Variants in RFX5 observed in about 807,000 individuals in gnomAD.
RFX5 encodes the protein regulatory factor X5.
In RFX5, 30 loss-of-function variants were observed where a neutral mutation model predicts 41.2. That is an observed-to-expected ratio of 0.73 (90% confidence interval 0.54 to 0.99). The LOEUF is 0.99. Ranked by LOEUF, RFX5 falls within the 50% of genes least tolerant of loss-of-function variation. The pLI is 0.00. For synonymous variants in RFX5, 231 were observed against 291.8 expected, an observed-to-expected ratio of 0.79 and a Z score of 2.12; for missense variants, 715 against 773.6, an observed-to-expected ratio of 0.92 and a Z score of 0.90.
chr1:151,342,718 TCA>T lies in RFX5; in HGVS notation c.1317_1318del (p.Ser439ArgfsTer10). 1 of 1,614,232 alleles carries T rather than the reference TCA, an allele frequency of 6.2e-7. No homozygotes were observed. The highest frequency in any genetic ancestry group is 8.5e-7 in the Non-Finnish European group (1 of 1,180,036). On this transcript the variant is annotated frameshift_variant, in exon 11 of 11. Transcript: ENST00000452671. LOFTEE classifies it low-confidence loss of function (END_TRUNC). The stretch of plus-strand genomic sequence containing the variant: ...AGCTGGTGGAGCCTGCCCACTGGCC[TCA>T]CTCACAGGTACTTCAGCTGTCCTCT...
chr1:151,347,094 AAAAT>A (rs1651160421), intron 1 of RFX5, 113 bp downstream of exon 1: 1 of 152,334 alleles, frequency 6.6e-6, no homozygotes, highest in Non-Finnish European at 1.5e-5. Flanking sequence ...GAAGCTGTTG[AAAAT>A]ACAGCTACAA....
rs752775566 is a variant in RFX5, at chr1:151,342,704, C to G, written c.1333G>C (p.Ala445Pro). Residue 445 changes from alanine (A) to proline (P), a missense_variant, in exon 11 of 11, where the codon GCT becomes CCT. Physicochemically the swap from Ala to Pro is conservative, Grantham distance 27. Transcript: ENST00000452671. ...TGCTTTGCTGCTTTAGCTGGTGGAGCCTGCCCACTGGCCTCACTCACAGGT... is the reference window on the plus strand; with the variant it reads ...TGCTTTGCTGCTTTAGCTGGTGGAGGCTGCCCACTGGCCTCACTCACAGGT... ...EVPVSEASGQ[A>P]PPAKAAKQDI... is the part of the protein sequence containing the mutation. 7.4e-6 allele frequency: 12 copies of G among 1,614,110 alleles called. No homozygotes were observed. Among genetic ancestry groups the G allele is most frequent in the Middle Eastern group, 1.6e-4 (1 of 6,084 alleles).
Position 151,346,574 on chromosome 1 carries a change from C to A in RFX5, c.-99G>T. 2.1e-6 allele frequency: 1 copy of A among 481,282 alleles called. No homozygotes were observed. The highest frequency in any genetic ancestry group is 3.8e-6 in the Non-Finnish European group (1 of 262,766). The allele number at this position is 481,282 out of a possible 1,614,324, so 29.8% of individuals were successfully genotyped here. ...TCTTTGCCATCTCCATTCTATCTGC[C>A]CCACCTTTCTGAAGTCTCCTAAATC... On this transcript the variant is annotated 5_prime_UTR_variant, in exon 2 of 11. Transcript: ENST00000452671.
chr1:151,346,135 C>A (rs1046162866), intron 3 of RFX5, 70 bp downstream of exon 3: 74 of 1,570,096 alleles, frequency 4.7e-5, no homozygotes, highest in Non-Finnish European at 6.4e-5. Context: ...TCATCTACAG[C>A]CAAAGTGAAG....
At position 151,346,212 on chromosome 1, in the gene RFX5, T is replaced by A. The variant is rs760979829; in HGVS notation, c.109A>T (p.Thr37Ser). ...PTTLLQRLRG[T>S]ISKAVQNKVE... is the part of the protein sequence containing the mutation. ...GATGTGATGAGTACTTACGAAATGG[T>A]ACCTCGGAGCCTCTGAAGAAGGGTG... Residue 37 changes from threonine (T) to serine (S), a missense_variant, in exon 3 of 11, where the codon ACC becomes TCC. Physicochemically the swap from Thr to Ser is moderately conservative, Grantham distance 58. Coordinates refer to ENST00000452671, the MANE Select transcript of RFX5 (RefSeq NM_001025603.2). 2 of 1,614,080 alleles carry A rather than the reference T, an allele frequency of 1.2e-6. No homozygotes were observed. The highest frequency in any genetic ancestry group is 1.7e-5 in the Admixed American group (1 of 60,022).
At chr1:151,343,465 A>G (rs1403937586) in intron 9 of RFX5, 23 bp from the exon 10 acceptor site, 1 of 1,608,974 alleles carries the variant, frequency 6.2e-7, no homozygotes, top group Admixed American at 1.7e-5. Flanking sequence ...CAAAAAGGTA[A>G]TAGAGTGAAG....
intron 8 of RFX5, 140 bp downstream of exon 8, chr1:151,344,057 C>T: frequency 9.1e-7 from 1 of 1,096,400 alleles, no homozygotes. Flanking sequence ...GCCTCAGCTA[C>T]AGGGTTGGCA....
chr1:151,342,983 C>A lies in RFX5; in HGVS notation c.1054G>T (p.Ala352Ser), dbSNP rs1425528216. 1.2e-6 allele frequency: 2 copies of A among 1,614,028 alleles called. No individual in the cohort carries two copies. The highest frequency in any genetic ancestry group is 4.5e-5 in the East Asian group (2 of 44,884). Residue 352 changes from alanine to serine, a missense_variant, in exon 11 of 11, where the codon GCC becomes TCC. Ala to Ser is a moderately conservative substitution (Grantham distance 99). Transcript: ENST00000452671. ...PPIPVSPPIL[A>S]PRLSSGALKV... ...AGGGCACCTGAAGAAAGCCTGGGGGCCAGAATAGGTGGAGAGACTGGGATT... is the reference window on the plus strand; with the variant it reads ...AGGGCACCTGAAGAAAGCCTGGGGGACAGAATAGGTGGAGAGACTGGGATT...
intron 8 of RFX5, 50 bp downstream of exon 8, chr1:151,344,147 A>C: frequency 6.3e-7 from 1 of 1,583,652 alleles, no homozygotes. Context: ...AAGACCTCTG[A>C]CTTTTACCTG....
chr1:151,344,940 A>C (rs2102067386), intron 5 of RFX5, 93 bp from the exon 6 acceptor site: 2 of 1,607,892 alleles, frequency 1.2e-6, no homozygotes, highest in South Asian at 2.2e-5. Flanking sequence ...GACCAAATTT[A>C]GTTCACCCAG....
rs750661288 is a variant in RFX5, at chr1:151,346,165, C to T, written c.116+40G>A. On this transcript the variant is annotated intron_variant, in intron 3 of 10. Coordinates refer to ENST00000452671, the MANE Select transcript of RFX5 (RefSeq NM_001025603.2). ...GTGAAGTGCTGCAGGGATCTATACT[C>T]AGGTCTTGGACAGGACTTGGAGATG... 5 of 1,592,164 alleles carry T rather than the reference C, an allele frequency of 3.1e-6. No homozygotes were observed. The Admixed American group carries it at 5.0e-5, about 16-fold the overall frequency.
rs2233855 is a variant in RFX5 at position 151,342,542 on chromosome 1, G to A, written c.1495C>T (p.Pro499Ser). ...CCTCCTGAGCCCCATGTCTCCCATG[G>A]TAACCTTGAGGACTGGGCAGATTCC... ...AMESAQSSRLPWETWGSGGEG... is the reference protein window; with the variant it reads ...AMESAQSSRLSWETWGSGGEG... The change falls in exon 11 of 11, where the codon CCA (proline) becomes TCA (serine). Residue 499 changes from proline (P) to serine (S), a missense_variant. Pro to Ser is a moderately conservative substitution (Grantham distance 74). Transcript: ENST00000452671. The A allele has an allele frequency of 8.2e-4, 1,316 of 1,614,070 alleles. 6 individuals are homozygous for A. The African/African-American group carries it at 0.015, about 19-fold the overall frequency.
Position 151,342,183 on chromosome 1 carries a change from G to A in RFX5, c.*3C>T, listed in dbSNP as rs762996695. ...TATAAACACTCTTCCCCACAGACCT[G>A]TATCATGGGGGTGTTGCTTTTGGGT... On this transcript the variant is annotated 3_prime_UTR_variant, in exon 11 of 11. Transcript: ENST00000452671. 5.6e-6 allele frequency: 9 copies of A among 1,614,180 alleles called. No homozygotes were observed. In the South Asian group the frequency reaches 8.8e-5, roughly 16 times the overall value.
chr1:151,344,759 G>A lies in RFX5; in HGVS notation c.322C>T (p.Leu108=). Residue 108 remains leucine (L), a synonymous_variant, in exon 6 of 11, where the codon CTG becomes TTG. Transcript: ENST00000452671. ...NHLEEHTDTC[L]PKQSVYDAYR... is the part of the protein sequence containing the mutation. ...GCATCATAAACACTTTGCTTTGGCA[G>A]ACAGGTGTCAGTGTGCTCTTCCAGG... 6.3e-7 allele frequency: 1 copy of A among 1,596,634 alleles called. No homozygotes were observed. Among genetic ancestry groups the A allele is most frequent in the Non-Finnish European group, 8.5e-7 (1 of 1,170,630 alleles).
rs377295214 is a variant in RFX5 at position 151,343,193 on chromosome 1, G to A, written c.859-15C>T. ...TCCTTAGGAGGCTAAAAAGTAAAGA[G>A]AGGAACACAGTAAGGTGTGAAGAAT... On this transcript the variant is annotated splice_polypyrimidine_tract_variant and intron_variant, in intron 10 of 10. Transcript: ENST00000452671. 1.6e-5 allele frequency: 26 copies of A among 1,610,920 alleles called. No homozygotes were observed. Among genetic ancestry groups the A allele is most frequent in the Non-Finnish European group, 2.1e-5 (25 of 1,180,022 alleles).
At position 151,343,024 on chromosome 1, in the gene RFX5, C is replaced by T. The variant is rs370830817; in HGVS notation, c.1013G>A (p.Arg338His). 2.3e-5 allele frequency: 37 copies of T among 1,613,196 alleles called. No homozygotes were observed. Among genetic ancestry groups the T allele is most frequent in the South Asian group, 2.2e-4 (20 of 91,060 alleles). The change falls in exon 11 of 11, where the codon CGC becomes CAC. Residue 338 changes from arginine to histidine, a missense_variant. Physicochemically the swap from Arg to His is conservative, Grantham distance 29. Coordinates refer to ENST00000452671, the MANE Select transcript of RFX5 (RefSeq NM_001025603.2). ...GACTGGGATTGGCGGAATTAGTGAG[C>T]GAGGGGCCCGGGGAAGGAGCAGAGG... ...RLPLLLPRAP[R>H]SLIPPIPVSP... is the part of the protein sequence containing the mutation.
rs140885618 is a variant in RFX5, at chr1:151,343,099, G to A, written c.938C>T (p.Ser313Leu). 162 of 1,612,890 alleles carry A rather than the reference G, an allele frequency of 1.0e-4. No individual in the cohort carries two copies. Among genetic ancestry groups the A allele is most frequent in the Non-Finnish European group, 1.3e-4 (148 of 1,180,018 alleles). Residue 313 changes from serine (S) to leucine (L), a missense_variant, in exon 11 of 11, where the codon TCG becomes TTG. Ser to Leu is a moderately radical substitution (Grantham distance 145, BLOSUM62 -2). Coordinates refer to ENST00000452671, the MANE Select transcript of RFX5 (RefSeq NM_001025603.2). ...CTGCAGGTTATTGGCTCCTGGGGCCGAGCTCTCAACTACACTCTTCTTCCG... is the reference window on the plus strand; with the variant it reads ...CTGCAGGTTATTGGCTCCTGGGGCCAAGCTCTCAACTACACTCTTCTTCCG... ...GERKKSVVES[S>L]APGANNLQVN...
chr1:151,342,533 T>C lies in RFX5; in HGVS notation c.1504A>G (p.Thr502Ala). The C allele has an allele frequency of 6.2e-7, 1 of 1,614,048 alleles. No homozygotes were observed. Among genetic ancestry groups the C allele is most frequent in the South Asian group, 1.1e-5 (1 of 91,074 alleles). ...TTGCCTTCCCCTCCTGAGCCCCATG[T>C]CTCCCATGGTAACCTTGAGGACTGG... Reference protein sequence around the residue: ...SAQSSRLPWETWGSGGEGNSA... With the variant: ...SAQSSRLPWEAWGSGGEGNSA... The change falls in exon 11 of 11, where the codon ACA (threonine) becomes GCA (alanine). Residue 502 changes from threonine to alanine, a missense_variant. Thr to Ala is a moderately conservative substitution (Grantham distance 58). Coordinates refer to ENST00000452671, the MANE Select transcript of RFX5 (RefSeq NM_001025603.2).
intron 6 of RFX5, 59 bp from the exon 7 acceptor site, chr1:151,344,595 C>T (rs758570913): frequency 2.4e-5 from 38 of 1,612,478 alleles, no homozygotes; most frequent in South Asian, 9.9e-5. Flanking sequence ...TGGGTAGGCT[C>T]GAAGAGTCCC....
Sources: gnomAD v4.1 joint callset for allele counts on GRCh38, gnomAD v4.1.1 for gene constraint, MANE v1.5 for transcripts, NCBI Gene and HGNC (gene_info 2026-07-23, HGNC 2026-07-21) for gene names.